Variants in ANKS1B observed in about 807,000 individuals in gnomAD.
ANKS1B encodes the protein ankyrin repeat and sterile alpha motif domain-containing protein 1B.
In ANKS1B, 36 loss-of-function variants were observed where a neutral mutation model predicts 148.3. That is an observed-to-expected ratio of 0.24 (90% CI 0.19 to 0.32). The LOEUF is 0.32. ANKS1B is among the 10% of genes least tolerant of loss of function. The pLI is 1.00. For synonymous variants in ANKS1B, 542 were observed against 560.8 expected (o/e 0.97, Z 0.47); for missense variants, 1,157 against 1,542.6 (o/e 0.75, Z 4.19).
intron 14 of ANKS1B, among the ~76,000 whole-genome samples, chr12:99,158,987 A>G (rs1421110036): frequency 6.6e-6 from 1 of 152,120 alleles, no homozygotes; most frequent in Non-Finnish European, 1.5e-5. Context: ...CCCCATTCAT[A>G]GAATAGAAAG....
At chr12:99,492,776 T>C (rs1295880823) in intron 10 of ANKS1B, among the ~76,000 whole-genome samples, 1 of 152,174 alleles carries the variant, frequency 6.6e-6, no homozygotes, top group Non-Finnish European at 1.5e-5. Context: ...ATTCATCACA[T>C]AAACAGAACT....
chr12:99,835,324 G>A (rs1005395033), intron 1 of ANKS1B, among the ~76,000 whole-genome samples: 3 of 151,810 alleles, frequency 2.0e-5, no homozygotes, highest in South Asian at 2.1e-4. Flanking sequence ...CCAGCTATTC[G>A]GGAAGCTGAG....
chr12:99,806,293 T>C, intron 4 of ANKS1B, 111 bp downstream of exon 4: 1 of 1,343,232 alleles, frequency 7.4e-7, no homozygotes, highest in African/African-American at 1.4e-5. Flanking sequence ...GTTACAAAAG[T>C]ACTTGTGAAC....
chr12:99,812,280 C>G lies in ANKS1B; in HGVS notation c.247G>C (p.Ala83Pro). ...TTGTTGTCTGCTACATTTGTTGATG[C>G]CTCATACTGAAGTAGTTTGAGAACT... ...DIVLKLLQYE[A>P]STNVADNKGY... Residue 83 changes from alanine (A) to proline (P), a missense_variant, in exon 3 of 27, where the codon GCA becomes CCA. Coordinates refer to ENST00000683438, the MANE Select transcript of ANKS1B (RefSeq NM_001352186.2). 6.2e-7 allele frequency: 1 copy of G among 1,611,226 alleles called. No homozygotes were observed.
intron 14 of ANKS1B, among the ~76,000 whole-genome samples, chr12:99,187,252 G>A (rs969962702): frequency 6.6e-6 from 1 of 151,756 alleles, no homozygotes. Context: ...GAACCAAGCT[G>A]GAAAATACTC....
intron 8 of ANKS1B, among the ~76,000 whole-genome samples, chr12:99,684,153 AAAG>A (rs2098636710): frequency 6.6e-6 from 1 of 152,124 alleles, no homozygotes; most frequent in Non-Finnish European, 1.5e-5. Context: ...CCAACTCAGT[AAAG>A]AAGAAGTCAA....
At chr12:99,365,338 T>C (rs1422883649) in intron 12 of ANKS1B, among the ~76,000 whole-genome samples, 1 of 152,130 alleles carries the variant, frequency 6.6e-6, no homozygotes. Flanking sequence ...CCCAAGTACA[T>C]ATATCAGCAC....
chr12:99,739,583 T>A (rs1022592769), intron 8 of ANKS1B, among the ~76,000 whole-genome samples: 1 of 152,096 alleles, frequency 6.6e-6, no homozygotes, highest in Non-Finnish European at 1.5e-5. Context: ...TAAACAAAAC[T>A]AAAAATATTT....
At chr12:98,958,709 A>C (rs1438789975) in intron 17 of ANKS1B, among the ~76,000 whole-genome samples, 2 of 152,256 alleles carry the variant, frequency 1.3e-5, no homozygotes, top group African/African-American at 4.8e-5. Context: ...ATAAGCTATA[A>C]ACATTTTAAT....
At chr12:99,370,119 CA>C (rs1483880634) in intron 12 of ANKS1B, among the ~76,000 whole-genome samples, 2 of 152,102 alleles carry the variant, frequency 1.3e-5, no homozygotes, top group South Asian at 4.2e-4. Flanking sequence ...TAAGGAGGCA[CA>C]AAAAATTAGT....
intron 9 of ANKS1B, among the ~76,000 whole-genome samples, chr12:98,736,744 C>T (rs117073557): frequency 0.036 from 5,427 of 152,268 alleles, 142 homozygotes; most frequent in Middle Eastern, 0.13. Flanking sequence ...AAAGGACCAG[C>T]AGAGACTAAG....
intron 12 of ANKS1B, among the ~76,000 whole-genome samples, chr12:99,325,982 G>C (rs554857618): frequency 2.6e-5 from 4 of 152,034 alleles, no homozygotes; most frequent in Admixed American, 2.6e-4. Flanking sequence ...AGAAAGCAAA[G>C]CACCTTCTTC....
chr12:99,772,784 T>G (rs79055609), intron 8 of ANKS1B, 138 bp downstream of exon 8: 3 of 869,744 alleles, frequency 3.4e-6, no homozygotes. Flanking sequence ...CCAAAGAACG[T>G]CAGGAAAAGA....
At chr12:98,845,978 A>G (rs1365413491) in intron 17 of ANKS1B, among the ~76,000 whole-genome samples, 1 of 51,524 alleles carries the variant, frequency 1.9e-5, no homozygotes. Context: ...ATATATATAT[A>G]TACACACACA....
At chr12:98,873,979 G>T (rs73139168) in intron 17 of ANKS1B, among the ~76,000 whole-genome samples, 14,110 of 152,212 alleles carry the variant, frequency 0.093, 876 homozygotes, top group Middle Eastern at 0.18. Flanking sequence ...AAGTTAGGTG[G>T]TGATGATGGA....
chr12:99,775,312 T>G (rs1389294824), intron 7 of ANKS1B, among the ~76,000 whole-genome samples: 1 of 151,732 alleles, frequency 6.6e-6, no homozygotes, highest in African/African-American at 2.4e-5. Flanking sequence ...AAAAACACAT[T>G]TAAGAAAAAA....
At chr12:99,052,850 G>C (rs893917725) in intron 17 of ANKS1B, among the ~76,000 whole-genome samples, 1 of 150,858 alleles carries the variant, frequency 6.6e-6, no homozygotes, top group African/African-American at 2.4e-5. Flanking sequence ...GATCAGAATA[G>C]GAACCTATTT....
chr12:99,528,715 A>G (rs2096956340), intron 9 of ANKS1B, among the ~76,000 whole-genome samples: 1 of 152,178 alleles, frequency 6.6e-6, no homozygotes, highest in African/African-American at 2.4e-5. Context: ...CTACTCAGTA[A>G]TTTTTAAAAT....
At chr12:99,849,867 C>T (rs1303704915) in intron 1 of ANKS1B, among the ~76,000 whole-genome samples, 3 of 152,010 alleles carry the variant, frequency 2.0e-5, no homozygotes, top group Admixed American at 6.5e-5. Context: ...TAGCAATATT[C>T]TATTTCTTAA....
Sources: gnomAD v4.1 joint callset for allele counts (sites outside exome capture counted in the v4.1 genomes callset) on GRCh38, gnomAD v4.1.1 for gene constraint, MANE v1.5 for transcripts, NCBI Gene and HGNC (gene_info 2026-07-23, HGNC 2026-07-21) for gene names.